The following DCC variants were observed in gnomAD, a reference collection of about 807,000 sequenced individuals.
DCC encodes the protein netrin receptor DCC.
A neutral mutation model predicts 172.5 loss-of-function variants in DCC; 58 were observed. That is an observed-to-expected ratio of 0.34 (90% CI 0.27 to 0.42). The LOEUF (loss-of-function observed/expected upper bound fraction) is 0.42, where lower values mean the gene tolerates loss of function less well. DCC is among the 10% of genes least tolerant of loss of function. The probability of loss-of-function intolerance (pLI) is 1.00; values close to 1 mark genes in which losing one functional copy is unlikely to be tolerated. For synonymous variants in DCC, 709 were observed against 644.5 expected (o/e 1.10, Z -1.52); for missense variants, 1,740 against 1,791.0 (o/e 0.97, Z 0.51).
intron 15 of DCC, among the ~76,000 whole-genome samples, chr18:53,374,535 G>A (rs1319454739): frequency 6.6e-6 from 1 of 152,120 alleles, no homozygotes; most frequent in Non-Finnish European, 1.5e-5. Context: ...TCCTGAGCAG[G>A]CTAGTTCAAT....
intron 12 of DCC, among the ~76,000 whole-genome samples, chr18:53,246,325 C>A (rs981816489): frequency 1.2e-4 from 18 of 151,952 alleles, no homozygotes; most frequent in Non-Finnish European, 2.5e-4. Flanking sequence ...ATATTTATAG[C>A]CCTAACTATT....
intron 1 of DCC, among the ~76,000 whole-genome samples, chr18:52,739,163 A>G (rs865779746): frequency 2.6e-5 from 4 of 152,180 alleles, no homozygotes; most frequent in Middle Eastern, 3.2e-3. Flanking sequence ...CTACAAGCTT[A>G]TAAGACCACT....
chr18:52,962,291 A>G (rs1174791458), intron 5 of DCC, among the ~76,000 whole-genome samples: 11 of 151,944 alleles, frequency 7.2e-5, no homozygotes, highest in Non-Finnish European at 1.5e-4. Context: ...AAAAGTGGGC[A>G]AAGGATATGA....
intron 15 of DCC, among the ~76,000 whole-genome samples, chr18:53,353,279 G>GAAA (rs67730754): frequency 3.3e-4 from 44 of 135,030 alleles, no homozygotes; most frequent in Non-Finnish European, 5.7e-4. Context: ...CACTTGAGAG[G>GAAA]AAAAAAAAAA....
At chr18:53,528,699 T>C (rs62098330) in intron 28 of DCC, among the ~76,000 whole-genome samples, 47,604 of 152,052 alleles carry the variant, frequency 0.31, 9,518 homozygotes, top group Non-Finnish European at 0.46. Context: ...TAAAAATAAA[T>C]AGGTGAAGTT....
rs186655971 is a variant in DCC at position 53,083,831 on chromosome 18, A to G, written c.1261+17665A>G. 3.9e-5 allele frequency among the ~76,000 whole-genome samples: 6 copies of G among 152,314 alleles called. No homozygotes were observed. In the East Asian group the frequency reaches 9.7e-4, roughly 25 times the overall value. On this transcript the variant is annotated intron_variant, in intron 7 of 28. Transcript: ENST00000442544. ...TGAACAGCTATAAGGAACAACAAAA[A>G]TAATTGTTTACAGCCTTCTTTTGTA...
At chr18:52,855,763 CTTTTTTTTT>C (rs71175526) in intron 2 of DCC, among the ~76,000 whole-genome samples, 7 of 121,242 alleles carry the variant, frequency 5.8e-5, no homozygotes, top group African/African-American at 1.8e-4. Flanking sequence ...CGTATAAATT[CTTTTTTTTT>C]TTTTTTTTTT....
rs779492300 is a variant in DCC, at chr18:52,340,791, G to C, written c.4G>C (p.Glu2Gln). 4 of 1,613,780 alleles carry C rather than the reference G, an allele frequency of 2.5e-6. No individual in the cohort carries two copies. In the South Asian group the frequency reaches 4.4e-5, roughly 18 times the overall value. The stretch of plus-strand genomic sequence containing the variant: ...CCCCGAAGGTGTTGGCTGAAATATG[G>C]AGAATAGTCTTAGATGTGTTTGGGT... Reference protein sequence around the residue: MENSLRCVWVPK... With the variant: MQNSLRCVWVPK... Residue 2 changes from glutamate (E) to glutamine (Q), a missense_variant, in exon 1 of 29, where the codon GAG (glutamate) becomes CAG (glutamine). Coordinates refer to ENST00000442544, the MANE Select transcript of DCC (RefSeq NM_005215.4).
chr18:53,082,361 CA>C (rs1264267032), intron 7 of DCC, among the ~76,000 whole-genome samples: 1 of 151,970 alleles, frequency 6.6e-6, no homozygotes, highest in Admixed American at 6.6e-5. Flanking sequence ...CTTAATTTTT[CA>C]AAGAGATCCT....
intron 12 of DCC, among the ~76,000 whole-genome samples, chr18:53,241,500 G>C (rs955906624): frequency 1.3e-5 from 2 of 152,102 alleles, no homozygotes; most frequent in African/African-American, 4.8e-5. Context: ...CAGTTTCATG[G>C]TCCCTGGGGC....
chr18:52,575,989 T>C (rs1428237302), intron 1 of DCC, among the ~76,000 whole-genome samples: 2 of 152,150 alleles, frequency 1.3e-5, no homozygotes, highest in African/African-American at 4.8e-5. Context: ...AAGGAAGATC[T>C]CTCTCCAGAC....
intron 2 of DCC, among the ~76,000 whole-genome samples, chr18:52,891,740 A>G (rs114526199): frequency 0.02 from 3,053 of 152,202 alleles, 79 homozygotes; most frequent in African/African-American, 0.055. Context: ...CATATTCAAC[A>G]TTCAATAGGT....
chr18:53,255,663 C>T (rs895589363), intron 12 of DCC, among the ~76,000 whole-genome samples: 2 of 151,876 alleles, frequency 1.3e-5, no homozygotes, highest in Non-Finnish European at 2.9e-5. Flanking sequence ...GGAATAGTGC[C>T]GCAGTAAACA....
At chr18:52,768,736 C>G (rs2037294177) in intron 2 of DCC, among the ~76,000 whole-genome samples, 1 of 151,826 alleles carries the variant, frequency 6.6e-6, no homozygotes, top group Non-Finnish European at 1.5e-5. Context: ...TATTTTCCAC[C>G]TTTCTGTCAT....
intron 27 of DCC, among the ~76,000 whole-genome samples, chr18:53,512,868 C>A (rs1395330267): frequency 6.6e-6 from 1 of 152,030 alleles, no homozygotes; most frequent in Non-Finnish European, 1.5e-5. Flanking sequence ...GAGAATGGAA[C>A]CAAGTTGGGA....
intron 1 of DCC, among the ~76,000 whole-genome samples, chr18:52,582,106 A>T (rs1283117314): frequency 5.3e-5 from 8 of 152,192 alleles, no homozygotes; most frequent in Non-Finnish European, 1.0e-4. Flanking sequence ...CATCATAAAT[A>T]CACACATGTG....
At chr18:52,998,186 G>A (rs1362695449) in intron 5 of DCC, among the ~76,000 whole-genome samples, 1 of 151,992 alleles carries the variant, frequency 6.6e-6, no homozygotes, top group African/African-American at 2.4e-5. Flanking sequence ...TATCATAATG[G>A]GCAGTGCGGG....
intron 5 of DCC, among the ~76,000 whole-genome samples, chr18:52,935,143 G>A (rs1355133791): frequency 6.6e-6 from 1 of 152,074 alleles, no homozygotes; most frequent in Non-Finnish European, 1.5e-5. Context: ...CATATTGGTA[G>A]CACAAATAAT....
rs185153332 is a variant in DCC, at chr18:53,102,468, T to C, written c.1261+36302T>C. Among the ~76,000 whole-genome samples, 304 of 152,242 alleles carry C rather than the reference T, an allele frequency of 2.0e-3. 2 individuals carry two copies. In the East Asian group the frequency reaches 0.032, roughly 16 times the overall value. The stretch of plus-strand genomic sequence containing the variant: ...TGTTTCCAAACTCTGCAAGGGTGTC[T>C]ATATTATAAGTTATATAAAAGCCCT... On this transcript the variant is annotated intron_variant, in intron 7 of 28. Transcript: ENST00000442544.
Sources: gnomAD v4.1 joint callset for allele counts (sites outside exome capture counted in the v4.1 genomes callset) on GRCh38, gnomAD v4.1.1 for gene constraint, MANE v1.5 for transcripts, NCBI Gene and HGNC (gene_info 2026-07-23, HGNC 2026-07-21) for gene names.